Variants in TEK observed in about 807,000 individuals in gnomAD.
The protein encoded by TEK is TEK receptor tyrosine kinase.
TEK carries 43 observed loss-of-function variants against 131.8 expected under a neutral mutation model. That is an observed-to-expected ratio of 0.33 (90% confidence interval 0.26 to 0.42). TEK has a LOEUF of 0.42. TEK is among the 10% of genes least tolerant of loss of function. TEK has a pLI of 1.00. For synonymous variants in TEK, 580 were observed against 491.6 expected, an observed-to-expected ratio of 1.18 and a Z score of -2.38; for missense variants, 1,162 against 1,384.4, an observed-to-expected ratio of 0.84 and a Z score of 2.55.
Position 27,204,966 on chromosome 9 carries a change from T to C in TEK, c.2265T>C (p.Ala755=). The C allele has an allele frequency of 6.2e-7, 1 of 1,614,114 alleles. No individual in the cohort carries two copies. Among genetic ancestry groups the C allele is most frequent in the South Asian group, 1.1e-5 (1 of 91,086 alleles). The change falls in exon 14 of 23, where the codon GCT becomes GCC. Residue 755 remains alanine, a synonymous_variant. Coordinates refer to ENST00000380036, the MANE Select transcript of TEK (RefSeq NM_000459.5). Reference sequence around the variant, plus strand: ...TGCTTATAGCCATCCTTGGCTCTGCTGGAATGACCTGCCTGACTGTGCTGT... The same window carrying C: ...TGCTTATAGCCATCCTTGGCTCTGCCGGAATGACCTGCCTGACTGTGCTGT... ...KMLLIAILGS[A]GMTCLTVLLA...
rs1482245810 is a variant in TEK at position 27,183,606 on chromosome 9, T to A, written c.1178T>A (p.Leu393His). Residue 393 changes from leucine (L) to histidine (H), a missense_variant, in exon 8 of 23, where the codon CTC (leucine) becomes CAC (histidine). Physicochemically the swap from Leu to His is moderately conservative, Grantham distance 99. Coordinates refer to ENST00000380036, the MANE Select transcript of TEK (RefSeq NM_000459.5). ...CTGGTGAAGCCGGATGGGACAGTGC[T>A]CCATGTAAGAGCCATTCTTAATTTG... ...MTLVKPDGTV[L>H]HPKDFNHTDH... The A allele has an allele frequency of 6.2e-7, 1 of 1,613,698 alleles. No individual in the cohort carries two copies. The highest frequency in any genetic ancestry group is 1.3e-5 in the African/African-American group (1 of 74,868).
chr9:27,189,600 C>T (rs116050538), intron 9 of TEK, among the ~76,000 whole-genome samples: 1 of 152,204 alleles, frequency 6.6e-6, no homozygotes, highest in African/African-American at 2.4e-5. Flanking sequence ...ACTTTCCTGA[C>T]AATAGTCAGA....
intron 15 of TEK, 129 bp from the exon 16 acceptor site, chr9:27,208,987 TTAGAG>T (rs1825503073): frequency 1.4e-6 from 1 of 704,342 alleles, no homozygotes; most frequent in East Asian, 2.7e-5. Flanking sequence ...AAACTCTACT[TTAGAG>T]TAATCTCTTT....
chr9:27,218,129 G>GC (rs1564106173), intron 19 of TEK, among the ~76,000 whole-genome samples: 9 of 57,260 alleles, frequency 1.6e-4, no homozygotes, highest in African/African-American at 8.2e-4. Context: ...AGGCCAGACA[G>GC]TGGCGGGGGT....
At chr9:27,135,978 G>C (rs970261586) in intron 1 of TEK, among the ~76,000 whole-genome samples, 3 of 152,088 alleles carry the variant, frequency 2.0e-5, no homozygotes, top group African/African-American at 7.2e-5. Flanking sequence ...CCGTCATTCT[G>C]AGATAGCCAC....
At position 27,220,424 on chromosome 9, in the gene TEK, A is replaced by ATTCT. The variant is rs1826014757; in HGVS notation, c.3200+282_3200+285dup. On this transcript the variant is annotated intron_variant, in intron 21 of 22. Transcript: ENST00000380036. ...CAAATGCAGAAAAGCTCTGAAACAAATTCTTTAAACATACAACACTATCCT... is the reference window on the plus strand; with the variant it reads ...CAAATGCAGAAAAGCTCTGAAACAAATTCTTTCTTTAAACATACAACACTATCCT... Among the ~76,000 whole-genome samples the ATTCT allele has an allele frequency of 5.3e-5, 8 of 152,224 alleles. No homozygotes were observed. The South Asian group carries it at 1.5e-3, about 28-fold the overall frequency.
chr9:27,182,834 C>A (rs1261810527), intron 7 of TEK, among the ~76,000 whole-genome samples: 1 of 152,206 alleles, frequency 6.6e-6, no homozygotes, highest in Non-Finnish European at 1.5e-5. Context: ...TCAATATTGG[C>A]AGCAACATTT....
intron 12 of TEK, among the ~76,000 whole-genome samples, chr9:27,200,711 G>A (rs970940791): frequency 1.3e-5 from 2 of 152,160 alleles, no homozygotes; most frequent in Non-Finnish European, 2.9e-5. Context: ...AAGAAGTGGA[G>A]TGAATTAGAT....
intron 1 of TEK, among the ~76,000 whole-genome samples, chr9:27,138,047 G>A (rs1371676498): frequency 5.3e-5 from 8 of 151,870 alleles, no homozygotes; most frequent in African/African-American, 1.9e-4. Context: ...TCTTAAAGGT[G>A]GCGCATCCAG....
intron 1 of TEK, among the ~76,000 whole-genome samples, chr9:27,139,419 C>T (rs1297547247): frequency 1.4e-5 from 2 of 146,418 alleles, no homozygotes; most frequent in African/African-American, 5.0e-5. Context: ...GCTCCGCCTC[C>T]TGGGTTCAAG....
chr9:27,213,080 A>C (rs1278077276), intron 17 of TEK, among the ~76,000 whole-genome samples, 183 bp downstream of exon 17: 1 of 152,176 alleles, frequency 6.6e-6, no homozygotes, highest in Non-Finnish European at 1.5e-5. Context: ...CAATATGTTT[A>C]TCTAGCAATT....
chr9:27,128,060 G>A (rs1483120876), intron 1 of TEK, among the ~76,000 whole-genome samples: 2 of 152,192 alleles, frequency 1.3e-5, no homozygotes, highest in Non-Finnish European at 2.9e-5. Context: ...CCATGCCTAT[G>A]TCCTGAATGG....
intron 12 of TEK, among the ~76,000 whole-genome samples, chr9:27,201,284 A>G (rs1825203729): frequency 2.0e-5 from 3 of 152,326 alleles, no homozygotes; most frequent in Middle Eastern, 6.8e-3. Flanking sequence ...AGTTGGCACA[A>G]AAATTATATT....
At chr9:27,168,992 TC>T (rs1446419452) in intron 3 of TEK, among the ~76,000 whole-genome samples, 2 of 152,192 alleles carry the variant, frequency 1.3e-5, no homozygotes, top group Non-Finnish European at 2.9e-5. Flanking sequence ...AACTGTGTAA[TC>T]CAAATGTGTC....
intron 6 of TEK, among the ~76,000 whole-genome samples, chr9:27,178,337 G>A (rs762874775): frequency 1.3e-5 from 2 of 151,992 alleles, no homozygotes; most frequent in African/African-American, 4.8e-5. Flanking sequence ...TTTTATGCCA[G>A]TACCATACTG....
intron 11 of TEK, among the ~76,000 whole-genome samples, chr9:27,196,135 A>T (rs1824999828): frequency 6.6e-6 from 1 of 152,216 alleles, no homozygotes; most frequent in Admixed American, 6.5e-5. Flanking sequence ...ATAATCCCAT[A>T]ACCTTGGCAA....
chr9:27,157,389 A>C (rs1048841129), intron 1 of TEK, among the ~76,000 whole-genome samples: 1 of 152,212 alleles, frequency 6.6e-6, no homozygotes, highest in Non-Finnish European at 1.5e-5. Flanking sequence ...ATGAGAATCT[A>C]TAAGGCATAA....
chr9:27,115,547 TAATTA>T (rs1821520135), intron 1 of TEK, among the ~76,000 whole-genome samples: 1 of 152,054 alleles, frequency 6.6e-6, no homozygotes, highest in Non-Finnish European at 1.5e-5. Flanking sequence ...CATAAATATT[TAATTA>T]AATGTCTAAA....
At chr9:27,210,793 C>T (rs567767261) in intron 16 of TEK, among the ~76,000 whole-genome samples, 4 of 152,246 alleles carry the variant, frequency 2.6e-5, no homozygotes, top group East Asian at 1.9e-4. Flanking sequence ...AATTTTGCTT[C>T]GTCATCACAT....
Sources: gnomAD v4.1 joint callset for allele counts (sites outside exome capture counted in the v4.1 genomes callset) on GRCh38, gnomAD v4.1.1 for gene constraint, MANE v1.5 for transcripts, NCBI Gene and HGNC (gene_info 2026-07-23, HGNC 2026-07-21) for gene names.